Variants in NR4A3 observed in about 807,000 individuals in gnomAD.
NR4A3 encodes the protein chondrosarcoma, extraskeletal myxoid, fused to EWS.
NR4A3 carries 13 observed loss-of-function variants against 55.6 expected under a neutral mutation model. That is an observed-to-expected ratio of 0.23 (90% CI 0.15 to 0.37). NR4A3 has a LOEUF of 0.37. NR4A3 is among the 10% of genes least tolerant of loss of function. The pLI is 1.00. For missense variants in NR4A3, 646 were observed against 822.8 expected, an observed-to-expected ratio of 0.79 and a Z score of 2.63; for synonymous variants, 342 against 357.9, an observed-to-expected ratio of 0.96 and a Z score of 0.50.
chr9:99,832,654 C>CT lies in NR4A3; in HGVS notation c.952-34dup, dbSNP rs749604023. ...GTCAGGTCCTACCTCTTTCCAGAAA[C>CT]TATCAGTTGACTATCTTGTATTATA... On this transcript the variant is annotated intron_variant, in intron 3 of 7. Coordinates refer to ENST00000395097, the MANE Select transcript of NR4A3 (RefSeq NM_006981.4). 1.0e-5 allele frequency: 15 copies of CT among 1,500,264 alleles called. No individual in the cohort carries two copies. In the South Asian group the frequency reaches 2.0e-4, roughly 20 times the overall value. 92.9% of individuals were successfully genotyped at this position (1,500,264 alleles called of 1,614,324 possible).
intron 5 of NR4A3, among the ~76,000 whole-genome samples, chr9:99,842,970 T>C (rs1047814970): frequency 3.9e-5 from 6 of 152,372 alleles, no homozygotes; most frequent in South Asian, 2.1e-4. Context: ...GCCATGTTAA[T>C]GTGAAGGAAA....
At position 99,822,731 on chromosome 9, in the gene NR4A3, T is replaced by C. The variant is rs1286943033; in HGVS notation, c.-177+324T>C. ...CAGGGTATTTCGGCTCTAGTTGTCA[T>C]GGTAATGATGCTCTCGGCGGCGGCG... On this transcript the variant is annotated intron_variant, in intron 1 of 7. Coordinates refer to ENST00000395097, the MANE Select transcript of NR4A3 (RefSeq NM_006981.4). The surrounding 1 kb of genome is among the most constrained non-coding windows in gnomAD (Gnocchi z 4.9). 6.6e-6 allele frequency among the ~76,000 whole-genome samples: 1 copy of C among 152,142 alleles called. No homozygotes were observed. The highest frequency in any genetic ancestry group is 1.9e-4 in the East Asian group (1 of 5,196).
intron 1 of NR4A3, among the ~76,000 whole-genome samples, chr9:99,823,731 C>T (rs958134106): frequency 2.0e-5 from 3 of 151,626 alleles, no homozygotes; most frequent in African/African-American, 7.3e-5. Flanking sequence ...CACGTCCGCT[C>T]CGCCCCCCAC....
rs764932304 is a variant in NR4A3, at chr9:99,828,621, C to G, written c.579C>G (p.Phe193Leu). The G allele has an allele frequency of 9.4e-6, 14 of 1,491,298 alleles. No individual in the cohort carries two copies. The highest frequency in any genetic ancestry group is 1.2e-5 in the Non-Finnish European group (14 of 1,131,006). 92.4% of individuals were successfully genotyped at this position (1,491,298 alleles called of 1,614,324 possible). A position where few individuals can be genotyped will look rare whatever the true frequency, so the allele number is the denominator to read the frequency against. The change falls in exon 3 of 8, where the codon TTC (phenylalanine) becomes TTG (leucine). Residue 193 changes from phenylalanine to leucine, a missense_variant. Physicochemically the swap from Phe to Leu is conservative, Grantham distance 22 (BLOSUM62 0). Around this residue, in one of 5 missense-constraint regions of NR4A3, gnomAD observed 426 missense variants for 429.4 expected, o/e 0.99. Transcript: ENST00000395097. This position sits in a 1 kb window ranked among gnomAD's most constrained non-coding sequence, Gnocchi z 7.7. Reference sequence around the variant, plus strand: ...GCGCGCGCTTCCCGCTCTTCCACTTCAAGCCCTCGCCGCCGCATCCCCCCG... The same window carrying G: ...GCGCGCGCTTCCCGCTCTTCCACTTGAAGCCCTCGCCGCCGCATCCCCCCG... ...VAGARFPLFH[F>L]KPSPPHPPAP...
chr9:99,838,088 T>A (rs1453582571), intron 5 of NR4A3, among the ~76,000 whole-genome samples: 1 of 152,190 alleles, frequency 6.6e-6, no homozygotes, highest in East Asian at 1.9e-4. Context: ...ACATGTCACG[T>A]TTGATTTGTC....
intron 3 of NR4A3, among the ~76,000 whole-genome samples, chr9:99,829,700 A>C (rs1827402195): frequency 6.6e-6 from 1 of 152,104 alleles, no homozygotes; most frequent in African/African-American, 2.4e-5. Flanking sequence ...TTTCCATAGA[A>C]GATAGAACTT....
At position 99,866,799 on chromosome 9, in the gene NR4A3, C is replaced by T. The variant is rs542982519; in HGVS notation, c.*2932C>T. The T allele has an allele frequency of 8.4e-5, 18 of 213,732 alleles. No homozygotes were observed. In the South Asian group the frequency reaches 3.0e-3, roughly 36 times the overall value. The allele number at this position is 213,732 out of a possible 1,614,324, so 13.2% of individuals were successfully genotyped here. ...TTTCTCTGCTCCTCTAACAGCATTG[C>T]TCTTTAGTGTGTGTTAACCTGTGGT... On this transcript the variant is annotated 3_prime_UTR_variant, in exon 8 of 8. Transcript: ENST00000395097.
intron 7 of NR4A3, among the ~76,000 whole-genome samples, chr9:99,858,754 G>A (rs1237110578): frequency 6.6e-6 from 1 of 152,176 alleles, no homozygotes; most frequent in African/African-American, 2.4e-5. Flanking sequence ...CTTAATTGAG[G>A]CTTACCTTCC....
rs1345675403 is a variant in NR4A3 at position 99,828,738 on chromosome 9, C to A, written c.696C>A (p.Gly232=). Residue 232 remains glycine (G), a synonymous_variant, in exon 3 of 8, where the codon GGC becomes GGA. Transcript: ENST00000395097. The surrounding 1 kb of genome is among the most constrained non-coding windows in gnomAD (Gnocchi z 7.7). The part of the protein sequence containing the change: ...SLPLGAAAAA[G]SQAAALESHP... ...CGCTGGGAGCCGCAGCCGCCGCGGG[C>A]AGCCAGGCCGCCGCGCTTGAGAGCC... The A allele has an allele frequency of 1.5e-6, 2 of 1,311,412 alleles. No homozygotes were observed. The highest frequency in any genetic ancestry group is 1.9e-6 in the Non-Finnish European group (2 of 1,033,774). 81.2% of individuals were successfully genotyped at this position (1,311,412 alleles called of 1,614,324 possible).
Position 99,863,314 on chromosome 9 carries a change from C to T in NR4A3, c.1634-306C>T, listed in dbSNP as rs569427282. 6.6e-5 allele frequency among the ~76,000 whole-genome samples: 10 copies of T among 152,320 alleles called. No homozygotes were observed. In the South Asian group the frequency reaches 2.1e-3, roughly 32 times the overall value. On this transcript the variant is annotated intron_variant, in intron 7 of 7. Transcript: ENST00000395097. ...ACTGTGCTTCCCTTGTGTTACTTAC[C>T]TAAGCTGGCCATCCCAGAAACCCTG... is the stretch of plus-strand genomic sequence containing the variant.
chr9:99,841,732 T>C (rs986125778), intron 5 of NR4A3, among the ~76,000 whole-genome samples: 2 of 146,458 alleles, frequency 1.4e-5, no homozygotes. Flanking sequence ...GTAGGCAATA[T>C]GGGAGTTCAA....
At chr9:99,845,510 C>G (rs531647705) in intron 6 of NR4A3, among the ~76,000 whole-genome samples, 1 of 152,290 alleles carries the variant, frequency 6.6e-6, no homozygotes, top group East Asian at 1.9e-4. Context: ...TTTTTATTCA[C>G]AAATAGCCTG....
Position 99,828,408 on chromosome 9 carries a change from C to G in NR4A3, c.366C>G (p.Ser122Arg). The G allele has an allele frequency of 6.3e-7, 1 of 1,587,368 alleles. No individual in the cohort carries two copies. Among genetic ancestry groups the G allele is most frequent in the Non-Finnish European group, 8.6e-7 (1 of 1,166,278 alleles). Reference sequence around the variant, plus strand: ...AGCCATCCATTCCTCCAGCCTCCAGCCCGGAGGACGAGGTGCTGCCCAGCA... The same window carrying G: ...AGCCATCCATTCCTCCAGCCTCCAGGCCGGAGGACGAGGTGCTGCCCAGCA... The part of the protein sequence containing the change: ...HQQPSIPPAS[S>R]PEDEVLPSTS... The change falls in exon 3 of 8, where the codon AGC becomes AGG. Residue 122 changes from serine to arginine, a missense_variant. Around this residue, in one of 5 missense-constraint regions of NR4A3, gnomAD observed 426 missense variants for 429.4 expected, o/e 0.99. Transcript: ENST00000395097. This position sits in a 1 kb window ranked among gnomAD's most constrained non-coding sequence, Gnocchi z 7.7.
At position 99,827,290 on chromosome 9, in the gene NR4A3, G is replaced by GTA. The variant is rs56749651; in HGVS notation, c.-2-737_-2-736dup. Among the ~76,000 whole-genome samples the GTA allele has an allele frequency of 2.5e-3, 341 of 139,104 alleles. 1 individual carries two copies. The highest frequency in any genetic ancestry group is 6.1e-3 in the African/African-American group (231 of 37,772). The allele number at this position is 139,104 out of a possible 152,430, so 91.3% of individuals were successfully genotyped here. A position where few individuals can be genotyped will look rare whatever the true frequency, so the allele number is the denominator to read the frequency against. Reference sequence around the variant, plus strand: ...TGTGTGTGTGTGTGTGTGTGTGTGTGTATATATATATATATGGGTGGGTGT... The same window carrying GTA: ...TGTGTGTGTGTGTGTGTGTGTGTGTGTATATATATATATATATGGGTGGGTGT... On this transcript the variant is annotated intron_variant, in intron 2 of 7. Transcript: ENST00000395097.
At chr9:99,860,346 T>C (rs1292398987) in intron 7 of NR4A3, among the ~76,000 whole-genome samples, 5 of 152,332 alleles carry the variant, frequency 3.3e-5, no homozygotes, top group Admixed American at 2.0e-4. Flanking sequence ...TTCCAGTTTT[T>C]TGTTTGTTTG....
At chr9:99,857,711 C>A (rs1827950691) in intron 7 of NR4A3, among the ~76,000 whole-genome samples, 1 of 151,844 alleles carries the variant, frequency 6.6e-6, no homozygotes, top group Non-Finnish European at 1.5e-5. Context: ...GCCGAGATTG[C>A]ATCACTGAAC....
At chr9:99,845,629 C>T (rs1392437473) in intron 6 of NR4A3, among the ~76,000 whole-genome samples, 3 of 152,078 alleles carry the variant, frequency 2.0e-5, no homozygotes, top group Admixed American at 6.5e-5. Flanking sequence ...TTTCTCTTTC[C>T]TGCCATCACC....
intron 5 of NR4A3, among the ~76,000 whole-genome samples, chr9:99,842,132 A>C: frequency 9.4e-6 from 1 of 106,206 alleles, no homozygotes; most frequent in African/African-American, 3.7e-5. Flanking sequence ...TTTTTTAGTT[A>C]TTTAATACTG....
Position 99,828,190 on chromosome 9 carries a change from A to G in NR4A3, c.148A>G (p.Thr50Ala), listed in dbSNP as rs143302255. The change falls in exon 3 of 8, where the codon ACA becomes GCA. Residue 50 changes from threonine (T) to alanine (A), a missense_variant. Transcript: ENST00000395097. This position sits in a 1 kb window ranked among gnomAD's most constrained non-coding sequence, Gnocchi z 7.7. ...MDLGSTEITA[T>A]ATTSLPSIST... ...CCTTGGCAGCACTGAGATCACGGCT[A>G]CAGCCACCACGTCCCTGCCCAGCAT... 8.5e-5 allele frequency: 137 copies of G among 1,613,996 alleles called. No homozygotes were observed. Among genetic ancestry groups the G allele is most frequent in the Middle Eastern group, 1.6e-4 (1 of 6,084 alleles).
Sources: allele counts gnomAD v4.1 joint callset (sites outside exome capture counted in the v4.1 genomes callset), GRCh38; gene constraint gnomAD v4.1.1; regional missense constraint gnomAD v4.1.1; non-coding constraint Gnocchi (gnomAD v3.1); transcripts MANE v1.5; gene names NCBI Gene and HGNC (gene_info 2026-07-23, HGNC 2026-07-21).